Variants in DLG2 observed in about 807,000 individuals in gnomAD.
DLG2 encodes the protein disks large homolog 2.
In DLG2, 45 loss-of-function variants were observed where a neutral mutation model predicts 132.5. The observed-to-expected ratio is 0.34, with a 90% CI of 0.27 to 0.44. The LOEUF (loss-of-function observed/expected upper bound fraction) is 0.44, where lower values mean the gene tolerates loss of function less well. DLG2 is among the 20% of genes least tolerant of loss of function. The probability of loss-of-function intolerance (pLI) is 1.00; values close to 1 mark genes in which losing one functional copy is unlikely to be tolerated. For missense variants in DLG2, 1,045 were observed against 1,196.9 expected (o/e 0.87, Z 1.87); for synonymous variants, 424 against 419.6 (o/e 1.01, Z -0.13).
chr11:84,865,826 G>A (rs534215652), intron 6 of DLG2, among the ~76,000 whole-genome samples: 1 of 152,262 alleles, frequency 6.6e-6, no homozygotes, highest in South Asian at 2.1e-4. Flanking sequence ...AGCATAAACA[G>A]TTTAGAGAAG....
chr11:85,318,569 T>C (rs981410556), intron 3 of DLG2, among the ~76,000 whole-genome samples: 1 of 151,834 alleles, frequency 6.6e-6, no homozygotes, highest in Non-Finnish European at 1.5e-5. Flanking sequence ...CAAAAGGCTT[T>C]GTAAATTCCA....
chr11:85,497,273 G>C (rs759262231), intron 3 of DLG2, among the ~76,000 whole-genome samples: 45 of 151,684 alleles, frequency 3.0e-4, no homozygotes, highest in Non-Finnish European at 1.9e-4. Context: ...CGAGAATTTA[G>C]TGAAGCATAC....
chr11:84,748,086 C>G (rs1473807885), intron 6 of DLG2, among the ~76,000 whole-genome samples: 1 of 152,162 alleles, frequency 6.6e-6, no homozygotes, highest in Non-Finnish European at 1.5e-5. Flanking sequence ...TCAAAGACAC[C>G]TGACAGGGCA....
intron 19 of DLG2, among the ~76,000 whole-genome samples, chr11:83,610,983 A>C (rs928106488): frequency 2.6e-4 from 39 of 152,210 alleles, no homozygotes; most frequent in Admixed American, 1.2e-3. Flanking sequence ...ATGGATCACT[A>C]TTCTGGCTCT....
At chr11:84,544,449 C>T (rs1255477098) in intron 6 of DLG2, among the ~76,000 whole-genome samples, 2 of 152,200 alleles carry the variant, frequency 1.3e-5, no homozygotes, top group African/African-American at 4.8e-5. Flanking sequence ...TCATCATTCT[C>T]ATTTCCAAAT....
At position 85,361,174 on chromosome 11, in the gene DLG2, T is replaced by G. The variant is rs534169975; in HGVS notation, c.41-75809A>C. ...TTCTTGGTCCACAAACTTTTTTCTT[T>G]AGACAAAGTCTCACTCTGTCACCCA... On this transcript the variant is annotated intron_variant, in intron 3 of 27. Coordinates refer to ENST00000376104, the MANE Select transcript of DLG2 (RefSeq NM_001142699.3). Among the ~76,000 whole-genome samples, 35 of 152,254 alleles carry G rather than the reference T, an allele frequency of 2.3e-4. No individual in the cohort carries two copies. The South Asian group carries it at 5.4e-3, about 23-fold the overall frequency.
At chr11:84,523,517 G>A (rs777474106) in intron 7 of DLG2, among the ~76,000 whole-genome samples, 2 of 152,134 alleles carry the variant, frequency 1.3e-5, no homozygotes, top group Non-Finnish European at 2.9e-5. Context: ...AAAAATTTCC[G>A]ATTATCTTTG....
intron 19 of DLG2, among the ~76,000 whole-genome samples, chr11:83,616,669 T>C (rs1431697602): frequency 3.9e-5 from 6 of 152,186 alleles, no homozygotes; most frequent in African/African-American, 1.4e-4. Context: ...TTCATCAATA[T>C]TTTCCTTTGT....
intron 12 of DLG2, among the ~76,000 whole-genome samples, chr11:83,968,994 C>G (rs927021821): frequency 1.3e-5 from 2 of 152,074 alleles, no homozygotes; most frequent in African/African-American, 4.8e-5. Flanking sequence ...TAATAACTAA[C>G]ATTTATTTAA....
chr11:84,677,988 T>C (rs1364970764), intron 6 of DLG2, among the ~76,000 whole-genome samples: 1 of 152,076 alleles, frequency 6.6e-6, no homozygotes, highest in Non-Finnish European at 1.5e-5. Context: ...CTTCAGAGAC[T>C]GAAGGAAGTC....
chr11:85,386,876 TA>T lies in DLG2; in HGVS notation c.41-101512del, dbSNP rs922893513. Reference sequence around the variant, plus strand: ...AAGGCAACCAAAAAAAAAAAAAAGTTAAAGAATATCCTTTCTTTTTTTTTTC... The same window carrying T: ...AAGGCAACCAAAAAAAAAAAAAAGTTAAGAATATCCTTTCTTTTTTTTTTC... On this transcript the variant is annotated intron_variant, in intron 3 of 27. Transcript: ENST00000376104. 5.6e-3 allele frequency among the ~76,000 whole-genome samples: 844 copies of T among 150,642 alleles called. 9 individuals carry two copies. Among genetic ancestry groups the T allele is most frequent in the African/African-American group, 0.02 (804 of 41,182 alleles).
intron 6 of DLG2, among the ~76,000 whole-genome samples, chr11:84,984,326 T>C (rs544037237): frequency 1.3e-5 from 2 of 152,312 alleles, no homozygotes. Flanking sequence ...GACTCTATAT[T>C]CAGCCTCCTT....
chr11:84,415,476 A>C (rs2098926210), intron 7 of DLG2, among the ~76,000 whole-genome samples: 2 of 152,206 alleles, frequency 1.3e-5, no homozygotes, highest in South Asian at 4.1e-4. Flanking sequence ...CCCCAATTTT[A>C]TAGAAGTATG....
chr11:83,594,327 T>G (rs1282601107), intron 19 of DLG2, among the ~76,000 whole-genome samples: 1 of 152,210 alleles, frequency 6.6e-6, no homozygotes, highest in Non-Finnish European at 1.5e-5. Flanking sequence ...TGGTATGTAC[T>G]GTGGATGAGA....
At position 84,709,045 on chromosome 11, in the gene DLG2, T is replaced by C. The variant is rs186837601; in HGVS notation, c.358-174314A>G. Among the ~76,000 whole-genome samples, 226 of 152,052 alleles carry C rather than the reference T, an allele frequency of 1.5e-3. 2 individuals carry two copies. Among genetic ancestry groups the C allele is most frequent in the Admixed American group, 4.2e-3 (64 of 15,252 alleles). On this transcript the variant is annotated intron_variant, in intron 6 of 27. Coordinates refer to ENST00000376104, the MANE Select transcript of DLG2 (RefSeq NM_001142699.3). ...ATAATAACACACACATTACTGAATC[T>C]GTGCTCACATGGAAGCTGCTGTGAG...
intron 6 of DLG2, among the ~76,000 whole-genome samples, chr11:84,856,986 A>G (rs2082876885): frequency 6.6e-6 from 1 of 151,928 alleles, no homozygotes; most frequent in Non-Finnish European, 1.5e-5. Flanking sequence ...TCATTTCTAT[A>G]GGAGAGGAGT....
chr11:83,770,878 C>T (rs2094364589), intron 18 of DLG2, among the ~76,000 whole-genome samples: 1 of 152,020 alleles, frequency 6.6e-6, no homozygotes, highest in Non-Finnish European at 1.5e-5. Context: ...TAAGAAAATC[C>T]ACTTTTTTTG....
chr11:85,241,040 C>T (rs772273126), intron 4 of DLG2, among the ~76,000 whole-genome samples: 6 of 151,482 alleles, frequency 4.0e-5, no homozygotes, highest in Non-Finnish European at 7.4e-5. Context: ...TCTCTATGAA[C>T]ATGATTTTAT....
At chr11:85,524,796 T>A (rs77625182) in intron 3 of DLG2, among the ~76,000 whole-genome samples, 1 of 152,102 alleles carries the variant, frequency 6.6e-6, no homozygotes, top group Non-Finnish European at 1.5e-5. Context: ...ACCCCACTGC[T>A]ACTCTAATTT....
Sources: gnomAD v4.1 joint callset for allele counts (sites outside exome capture counted in the v4.1 genomes callset) on GRCh38, gnomAD v4.1.1 for gene constraint, MANE v1.5 for transcripts, NCBI Gene and HGNC (gene_info 2026-07-23, HGNC 2026-07-21) for gene names.